Variants in CYB5R3 observed in about 807,000 individuals in gnomAD.
CYB5R3 encodes the protein NADH-cytochrome b5 reductase 3.
In CYB5R3, 28 loss-of-function variants were observed where a neutral mutation model predicts 36.5. The ratio of observed to expected loss-of-function variants is 0.77; its 90% confidence interval spans 0.57 to 1.05. The LOEUF (loss-of-function observed/expected upper bound fraction) is 1.05, where lower values mean the gene tolerates loss of function less well. Among genes scored for constraint, CYB5R3 ranks in the 50% least tolerant of loss-of-function variants. The probability of loss-of-function intolerance (pLI) is 0.00; values close to 1 mark genes in which losing one functional copy is unlikely to be tolerated. For missense variants in CYB5R3, 474 were observed against 408.9 expected (o/e 1.16, Z -1.37); for synonymous variants, 181 against 159.8 (o/e 1.13, Z -1.00).
intron 1 of CYB5R3, chr22:42,644,382 G>A (rs1929437158): frequency 1.4e-6 from 1 of 707,552 alleles, no homozygotes; most frequent in Admixed American, 2.0e-5. Flanking sequence ...CCCCAACTCT[G>A]GACTCACCTC....
chr22:42,627,588 TG>T lies in CYB5R3; in HGVS notation c.547+16del, dbSNP rs754161126. ...TAACATGAGCCGCCGGACGCCTCAGTGGGGGGTTCCGTGTACCTGTCCCTCC... is the reference window on the plus strand; with the variant it reads ...TAACATGAGCCGCCGGACGCCTCAGTGGGGGTTCCGTGTACCTGTCCCTCC... On this transcript the variant is annotated intron_variant, in intron 6 of 8. Coordinates refer to ENST00000352397, the MANE Select transcript of CYB5R3 (RefSeq NM_000398.7). 5 of 1,609,208 alleles carry T rather than the reference TG, an allele frequency of 3.1e-6. No homozygotes were observed. Among genetic ancestry groups the T allele is most frequent in the Admixed American group, 3.3e-5 (2 of 59,998 alleles).
At chr22:42,627,459 T>C (rs1010886373) in intron 6 of CYB5R3, 70 bp from the exon 7 acceptor site, 4 of 1,529,530 alleles carry the variant, frequency 2.6e-6, no homozygotes, top group Non-Finnish European at 3.6e-6. Flanking sequence ...CCCGCCCAGG[T>C]GTACTGGGGT....
chr22:42,645,903 G>A (rs8190394), intron 1 of CYB5R3, among the ~76,000 whole-genome samples: 1 of 149,180 alleles, frequency 6.7e-6, no homozygotes, highest in South Asian at 2.1e-4. Context: ...CAACGCAGGG[G>A]ACACAGGCCA....
At position 42,631,359 on chromosome 22, in the gene CYB5R3, CA is replaced by C; in HGVS notation, c.226+18del. The C allele has an allele frequency of 3.2e-6, 5 of 1,551,124 alleles. No individual in the cohort carries two copies. Among genetic ancestry groups the C allele is most frequent in the Non-Finnish European group, 4.4e-6 (5 of 1,146,682 alleles). The stretch of plus-strand genomic sequence containing the variant: ...CAGCCTGCCGGGCTCCGAATGGGCC[CA>C]GCAGGGGCGTGACTCACCGACAGGG... On this transcript the variant is annotated intron_variant, in intron 3 of 8. Coordinates refer to ENST00000352397, the MANE Select transcript of CYB5R3 (RefSeq NM_000398.7).
chr22:42,628,117 C>A (rs779580695), intron 5 of CYB5R3, 35 bp downstream of exon 5: 1 of 1,613,206 alleles, frequency 6.2e-7, no homozygotes, highest in South Asian at 1.1e-5. Flanking sequence ...TTCTCTGAGC[C>A]TGCCGTGTAA....
chr22:42,642,857 G>C (rs764788228), intron 1 of CYB5R3, among the ~76,000 whole-genome samples: 2 of 152,216 alleles, frequency 1.3e-5, no homozygotes, highest in Non-Finnish European at 2.9e-5. Flanking sequence ...CTGTTTCAGA[G>C]CTTGTTTATA....
At chr22:42,630,165 C>T (rs988300715) in intron 4 of CYB5R3, among the ~76,000 whole-genome samples, 3 of 152,156 alleles carry the variant, frequency 2.0e-5, no homozygotes, top group Non-Finnish European at 2.9e-5. Flanking sequence ...TTACTTCCCA[C>T]TCGGCATGTG....
In CYB5R3 at chr22:42,627,404, G is replaced by T. The variant is rs1928334166; in HGVS notation, c.548-15C>A. The T allele has an allele frequency of 6.2e-7, 1 of 1,612,374 alleles. No individual in the cohort carries two copies. The highest frequency in any genetic ancestry group is 8.5e-7 in the Non-Finnish European group (1 of 1,179,242). Reference sequence around the variant, plus strand: ...CGGGGTGATGCCTGCAAAATAGCCGGCCGGGCCTCGCACGTGCTGAGCGAG... The same window carrying T: ...CGGGGTGATGCCTGCAAAATAGCCGTCCGGGCCTCGCACGTGCTGAGCGAG... On this transcript the variant is annotated splice_polypyrimidine_tract_variant and intron_variant, in intron 6 of 8. Coordinates refer to ENST00000352397, the MANE Select transcript of CYB5R3 (RefSeq NM_000398.7).
intron 7 of CYB5R3, among the ~76,000 whole-genome samples, chr22:42,626,106 C>T (rs949775143): frequency 1.7e-4 from 26 of 152,136 alleles, no homozygotes; most frequent in Non-Finnish European, 3.2e-4. Context: ...GTCAGGAGTT[C>T]GAGACCAGCC....
At chr22:42,626,476 G>A (rs919865085) in intron 7 of CYB5R3, among the ~76,000 whole-genome samples, 2 of 152,092 alleles carry the variant, frequency 1.3e-5, no homozygotes, top group African/African-American at 4.8e-5. Context: ...GGTGACAGAC[G>A]GTCTGACGGC....
At chr22:42,625,470 T>C (rs555007208) in intron 7 of CYB5R3, among the ~76,000 whole-genome samples, 12 of 152,100 alleles carry the variant, frequency 7.9e-5, no homozygotes, top group African/African-American at 1.2e-4. Flanking sequence ...ATTCACGCCA[T>C]TGCACTCCAG....
At position 42,628,198 on chromosome 22, in the gene CYB5R3, G is replaced by A; in HGVS notation, c.417C>T (p.Thr139=). ...QYLESMQIGD[T]IEFRGPSGLL... ...GCCCACTGGGGCCCCGGAACTCAAT[G>A]GTGTCTCCAATCTGCATGCTCTCCA... The change falls in exon 5 of 9, where the codon ACC becomes ACT. Residue 139 remains threonine, a synonymous_variant. Coordinates refer to ENST00000352397, the MANE Select transcript of CYB5R3 (RefSeq NM_000398.7). 1 of 1,614,102 alleles carries A rather than the reference G, an allele frequency of 6.2e-7. No individual in the cohort carries two copies. Among genetic ancestry groups the A allele is most frequent in the Non-Finnish European group, 8.5e-7 (1 of 1,179,998 alleles).
chr22:42,621,380 C>CT (rs1491327999), intron 8 of CYB5R3, among the ~76,000 whole-genome samples: 11 of 152,164 alleles, frequency 7.2e-5, no homozygotes, highest in Non-Finnish European at 1.5e-5. Context: ...CCGTGCATGG[C>CT]TTAATGTATT....
rs1271438196 is a variant in CYB5R3 at position 42,644,543 on chromosome 22, CT to C, written c.21+4751del. 1.1e-5 allele frequency: 16 copies of C among 1,490,802 alleles called. No homozygotes were observed. The Admixed American group carries it at 2.9e-4, about 27-fold the overall frequency. 92.3% of individuals were successfully genotyped at this position (1,490,802 alleles called of 1,614,324 possible). ...GCCTAGCTCAAACATCAAATCTTCC[CT>C]GATGAGCCCTTCCCTAGCTAACCAG... On this transcript the variant is annotated intron_variant, in intron 1 of 8. Transcript: ENST00000352397.
At chr22:42,628,008 A>G in intron 5 of CYB5R3, 144 bp downstream of exon 5, 2 of 1,207,090 alleles carry the variant, frequency 1.7e-6, no homozygotes, top group East Asian at 2.3e-5. Flanking sequence ...AGCCAGGGAG[A>G]CTCAGTTCCC....
chr22:42,638,267 G>A (rs915960308), intron 1 of CYB5R3, among the ~76,000 whole-genome samples: 12 of 151,400 alleles, frequency 7.9e-5, no homozygotes, highest in African/African-American at 2.7e-4. Context: ...GTGGTGGCAG[G>A]TGCCTGTAAT....
At chr22:42,628,993 T>C (rs1466581154) in intron 4 of CYB5R3, among the ~76,000 whole-genome samples, 2 of 152,080 alleles carry the variant, frequency 1.3e-5, no homozygotes. Flanking sequence ...CAGAGCACAC[T>C]GTCCTGGGCC....
intron 1 of CYB5R3, chr22:42,638,943 A>G: frequency 6.1e-6 from 2 of 325,706 alleles, no homozygotes; most frequent in Non-Finnish European, 1.2e-5. Flanking sequence ...CTGAGGCAGG[A>G]GAAATGCTTG....
chr22:42,640,253 G>A, intron 1 of CYB5R3: 1 of 1,571,652 alleles, frequency 6.4e-7, no homozygotes, highest in Non-Finnish European at 8.6e-7. Flanking sequence ...TTCTCCACAA[G>A]GTTACGGACA....
Sources: allele counts gnomAD v4.1 joint callset (sites outside exome capture counted in the v4.1 genomes callset), GRCh38; gene constraint gnomAD v4.1.1; transcripts MANE v1.5; gene names NCBI Gene and HGNC (gene_info 2026-07-23, HGNC 2026-07-21).